Variants in CORIN observed in about 807,000 individuals in gnomAD.
CORIN encodes corin, serine peptidase.
CORIN carries 117 observed loss-of-function variants against 125.3 expected under a neutral mutation model. The observed-to-expected ratio is 0.93, with a 90% confidence interval of 0.80 to 1.09. CORIN has a LOEUF of 1.09. Ranked by LOEUF, CORIN falls within the 50% of genes least tolerant of loss-of-function variation. CORIN has a pLI of 0.00. For synonymous variants in CORIN, 450 were observed against 466.4 expected, an observed-to-expected ratio of 0.96 and a Z score of 0.45; for missense variants, 1,253 against 1,306.7, an observed-to-expected ratio of 0.96 and a Z score of 0.63.
chr4:47,776,807 T>C (rs1331515693), intron 3 of CORIN, among the ~76,000 whole-genome samples: 3 of 152,188 alleles, frequency 2.0e-5, no homozygotes, highest in South Asian at 2.1e-4. Context: ...CTCTGTTCAA[T>C]TGATTCAAGA....
In CORIN at chr4:47,717,334, C is replaced by G. The variant is rs540385336; in HGVS notation, c.800-24251G>C. ...GTCACCCCTGCCCCCACTGTGGCTT[C>G]TCTATTGTTCTTATCAAATGCAGAC... On this transcript the variant is annotated intron_variant, in intron 5 of 21. Coordinates refer to ENST00000273857, the MANE Select transcript of CORIN (RefSeq NM_006587.4). Among the ~76,000 whole-genome samples, 145 of 152,254 alleles carry G rather than the reference C, an allele frequency of 9.5e-4. 2 individuals carry two copies. The highest frequency in any genetic ancestry group is 3.4e-3 in the Middle Eastern group (1 of 294).
intron 16 of CORIN, among the ~76,000 whole-genome samples, chr4:47,637,296 G>A (rs28785833): frequency 2.6e-4 from 39 of 152,096 alleles, no homozygotes; most frequent in African/African-American, 7.5e-4. Flanking sequence ...AATTTGCAGC[G>A]TGACAATGCA....
chr4:47,756,758 T>TA (rs1166159356), intron 4 of CORIN, among the ~76,000 whole-genome samples: 31 of 152,316 alleles, frequency 2.0e-4, no homozygotes, highest in Admixed American at 2.6e-4. Context: ...TTCTTAAAGT[T>TA]AAAATCTCAC....
intron 16 of CORIN, among the ~76,000 whole-genome samples, chr4:47,637,536 G>A (rs1457397067): frequency 1.3e-5 from 2 of 152,222 alleles, no homozygotes; most frequent in African/African-American, 4.8e-5. Context: ...GGTGCCCTGT[G>A]TCCCAGCCAT....
chr4:47,613,750 T>C (rs1216904098), intron 19 of CORIN, among the ~76,000 whole-genome samples: 1 of 142,560 alleles, frequency 7.0e-6, no homozygotes, highest in African/African-American at 2.6e-5. Context: ...TAGGTGGGAA[T>C]TGAACAATGA....
At chr4:47,721,292 C>T (rs1313976264) in intron 5 of CORIN, among the ~76,000 whole-genome samples, 2 of 150,020 alleles carry the variant, frequency 1.3e-5, no homozygotes, top group African/African-American at 2.5e-5. Flanking sequence ...TTTTTTGAGA[C>T]GGAGTCTTGC....
rs1721403952 is a variant in CORIN, at chr4:47,600,313, A to G, written c.2847T>C (p.Ile949=). 1 of 1,613,364 alleles carries G rather than the reference A, an allele frequency of 6.2e-7. No individual in the cohort carries two copies. Among genetic ancestry groups the G allele is most frequent in the Non-Finnish European group, 8.5e-7 (1 of 1,179,558 alleles). The change falls in exon 21 of 22, where the codon ATT becomes ATC. Residue 949 remains isoleucine (I), a synonymous_variant. Coordinates refer to ENST00000273857, the MANE Select transcript of CORIN (RefSeq NM_006587.4). The part of the protein sequence containing the change: ...PFKLQEGEVR[I]ISLEHCQSYF... ...AGGACTGACAATGTTCCAGAGAAATAATGCGGACCTCTCCCTCTTGCAGCT... is the reference window on the plus strand; with the variant it reads ...AGGACTGACAATGTTCCAGAGAAATGATGCGGACCTCTCCCTCTTGCAGCT...
chr4:47,744,366 A>T, intron 5 of CORIN, 36 bp downstream of exon 5: 1 of 1,585,564 alleles, frequency 6.3e-7, no homozygotes, highest in Non-Finnish European at 8.6e-7. Context: ...ACTCAAATAA[A>T]ATCTTCTAAA....
chr4:47,696,003 C>A (rs905583851), intron 5 of CORIN, among the ~76,000 whole-genome samples: 1 of 152,108 alleles, frequency 6.6e-6, no homozygotes, highest in Admixed American at 6.5e-5. Flanking sequence ...ATAGTGTAGT[C>A]GGCTGATACT....
intron 21 of CORIN, 114 bp from the exon 22 acceptor site, chr4:47,596,017 T>TGTTGAAACTTTC: frequency 4.0e-6 from 3 of 741,792 alleles, no homozygotes; most frequent in Non-Finnish European, 6.0e-6. Flanking sequence ...TTGGAAAGTT[T>TGTTGAAACTTTC]CAACAAAGCT....
intron 9 of CORIN, among the ~76,000 whole-genome samples, 162 bp downstream of exon 9, chr4:47,677,776 G>C (rs1052563438): frequency 6.6e-6 from 1 of 152,212 alleles, no homozygotes; most frequent in African/African-American, 2.4e-5. Flanking sequence ...TTTAGCACAA[G>C]AAAGTGTTTC....
At chr4:47,761,538 A>G (rs1729462393) in intron 4 of CORIN, among the ~76,000 whole-genome samples, 1 of 152,084 alleles carries the variant, frequency 6.6e-6, no homozygotes, top group South Asian at 2.1e-4. Flanking sequence ...ATTCAGCCAT[A>G]AAAAAGAAAA....
chr4:47,667,117 G>C (rs371406843), intron 10 of CORIN, among the ~76,000 whole-genome samples: 1 of 152,174 alleles, frequency 6.6e-6, no homozygotes, highest in Non-Finnish European at 1.5e-5. Context: ...AAAATCTGAT[G>C]ATTTTATAAG....
At chr4:47,648,966 G>A (rs1723613595) in intron 13 of CORIN, among the ~76,000 whole-genome samples, 1 of 152,166 alleles carries the variant, frequency 6.6e-6, no homozygotes, top group Non-Finnish European at 1.5e-5. Context: ...TTCCCTCAAA[G>A]CATGGCTGCA....
At chr4:47,645,277 TA>T in intron 13 of CORIN, 83 bp from the exon 14 acceptor site, 1 of 872,236 alleles carries the variant, frequency 1.1e-6, no homozygotes, top group South Asian at 1.5e-5. Context: ...AAAATTACGC[TA>T]TAAAGGCATG....
chr4:47,834,054 A>G (rs1200325335), intron 1 of CORIN, among the ~76,000 whole-genome samples: 1 of 152,226 alleles, frequency 6.6e-6, no homozygotes, highest in Non-Finnish European at 1.5e-5. Flanking sequence ...AGCATACAGT[A>G]TAGAACTAAC....
chr4:47,797,844 A>G (rs952721290), intron 2 of CORIN, among the ~76,000 whole-genome samples: 2 of 152,188 alleles, frequency 1.3e-5, no homozygotes, highest in African/African-American at 4.8e-5. Flanking sequence ...TAGAAAATAA[A>G]GCATCTTACC....
Position 47,680,157 on chromosome 4 carries a change from A to G in CORIN, c.1116T>C (p.Ser372=), listed in dbSNP as rs10517195. The G allele has an allele frequency of 0.55, 892,658 of 1,611,108 alleles. 256,045 individuals are homozygous for G. The highest frequency in any genetic ancestry group is 0.6 in the Non-Finnish European group (704,239 of 1,177,482). Reference sequence around the variant, plus strand: ...AGCACTCACAGCAGTTGACCTCGTCAGACTTATCCACACAGTCGTGGTCAC... The same window carrying G: ...AGCACTCACAGCAGTTGACCTCGTCGGACTTATCCACACAGTCGTGGTCAC... ...CDGDHDCVDK[S]DEVNCSCHSQ... Residue 372 remains serine, a synonymous_variant, in exon 8 of 22, where the codon TCT becomes TCC. Coordinates refer to ENST00000273857, the MANE Select transcript of CORIN (RefSeq NM_006587.4).
chr4:47,715,721 C>T (rs1212775332), intron 5 of CORIN, among the ~76,000 whole-genome samples: 1 of 152,192 alleles, frequency 6.6e-6, no homozygotes, highest in Non-Finnish European at 1.5e-5. Flanking sequence ...GTCCCATGAT[C>T]ATAATCGTCA....
Sources: gnomAD v4.1 joint callset for allele counts (sites outside exome capture counted in the v4.1 genomes callset) on GRCh38, gnomAD v4.1.1 for gene constraint, MANE v1.5 for transcripts, NCBI Gene and HGNC (gene_info 2026-07-23, HGNC 2026-07-21) for gene names.